The following STK31 variants were observed in gnomAD, a reference collection of about 807,000 sequenced individuals.
The protein encoded by STK31 is serine/threonine-protein kinase 31.
In STK31, 89 loss-of-function variants were observed where a neutral mutation model predicts 129.7. The observed-to-expected ratio is 0.69, with a 90% confidence interval of 0.58 to 0.82. STK31 has a LOEUF of 0.82. Ranked by LOEUF, STK31 falls within the 40% of genes least tolerant of loss-of-function variation. The pLI, the probability that STK31 is intolerant of heterozygous loss-of-function variation, is 0.00. For missense variants in STK31, 1,187 were observed against 1,176.4 expected, an observed-to-expected ratio of 1.01 and a Z score of -0.13; for synonymous variants, 448 against 395.3, an observed-to-expected ratio of 1.13 and a Z score of -1.58.
In STK31 at chr7:23,832,350, C is replaced by T; in HGVS notation, c.3044C>T (p.Ala1015Val). 6.2e-7 allele frequency: 1 copy of T among 1,607,950 alleles called. No homozygotes were observed. The highest frequency in any genetic ancestry group is 8.5e-7 in the Non-Finnish European group (1 of 1,178,600). ...ATGGAGAAGACAAGAAATGGTGAAG[C>T]CAACTTTGATTGTTAAATTATTATT... ...KCMEKTRNGE[A>V]NFDC Residue 1015 changes from alanine (A) to valine (V), a missense_variant, in exon 24 of 24, where the codon GCC (alanine) becomes GTC (valine). Physicochemically the swap from Ala to Val is moderately conservative, Grantham distance 64 (BLOSUM62 0). Around this residue, in one of 5 missense-constraint regions of STK31, gnomAD observed 975 missense variants for 934.9 expected, o/e 1.04. Coordinates refer to ENST00000355870, the MANE Select transcript of STK31 (RefSeq NM_031414.5).
intron 3 of STK31, among the ~76,000 whole-genome samples, chr7:23,713,097 A>G (rs1389129113): frequency 2.6e-5 from 4 of 152,176 alleles, no homozygotes; most frequent in African/African-American, 7.2e-5. Context: ...AGAGAAATGC[A>G]TCATTAGGCA....
intron 16 of STK31, among the ~76,000 whole-genome samples, chr7:23,782,988 TA>T (rs890070765): frequency 3.3e-4 from 49 of 146,660 alleles, no homozygotes; most frequent in African/African-American, 7.2e-4. Flanking sequence ...TTAGATGGGT[TA>T]AAAAAAAAAA....
intron 22 of STK31, among the ~76,000 whole-genome samples, chr7:23,809,549 A>G (rs951334190): frequency 6.6e-6 from 1 of 152,106 alleles, no homozygotes; most frequent in African/African-American, 2.4e-5. Flanking sequence ...GCAAAGTCCC[A>G]CTGTGAGTAT....
At chr7:23,779,742 T>C (rs1303556775) in intron 15 of STK31, among the ~76,000 whole-genome samples, 1 of 152,202 alleles carries the variant, frequency 6.6e-6, no homozygotes, top group Non-Finnish European at 1.5e-5. Context: ...GCAGTGAGAA[T>C]TTCAAGCTAG....
intron 22 of STK31, among the ~76,000 whole-genome samples, chr7:23,794,328 G>A (rs1791821516): frequency 6.6e-6 from 1 of 152,218 alleles, no homozygotes; most frequent in Non-Finnish European, 1.5e-5. Context: ...CTGCCCCCAT[G>A]TGAAGAAGAA....
chr7:23,737,268 G>C (rs2128081468), intron 8 of STK31, among the ~76,000 whole-genome samples, 190 bp downstream of exon 8: 1 of 152,104 alleles, frequency 6.6e-6, no homozygotes, highest in Non-Finnish European at 1.5e-5. Flanking sequence ...TTCATTGGAT[G>C]TTTGCAAATT....
chr7:23,734,690 C>T (rs867080810), intron 6 of STK31, among the ~76,000 whole-genome samples: 48 of 152,096 alleles, frequency 3.2e-4, no homozygotes, highest in African/African-American at 6.8e-4. Context: ...GAAGGCCAGG[C>T]GAGGTGGCTC....
chr7:23,727,533 G>A, intron 5 of STK31: 2 of 335,120 alleles, frequency 6.0e-6, no homozygotes, highest in Non-Finnish European at 1.1e-5. Context: ...TATTTTTGGT[G>A]ACTAGTTATT....
At chr7:23,806,057 T>A (rs887460661) in intron 22 of STK31, among the ~76,000 whole-genome samples, 2 of 152,194 alleles carry the variant, frequency 1.3e-5, no homozygotes, top group African/African-American at 4.8e-5. Context: ...TGCCTTCACA[T>A]CACATATTAT....
At chr7:23,714,453 ATTTTAAAACAT>A (rs1227146510) in intron 3 of STK31, among the ~76,000 whole-genome samples, 6 of 152,246 alleles carry the variant, frequency 3.9e-5, no homozygotes, top group Non-Finnish European at 8.8e-5. Context: ...CATGTAAGTA[ATTTTAAAACAT>A]TTTTGGCAGC....
chr7:23,730,962 G>A lies in STK31; in HGVS notation c.483+1713G>A, dbSNP rs189595899. On this transcript the variant is annotated intron_variant, in intron 6 of 23. Transcript: ENST00000355870. ...TGCAATGGCATGATCTCGGCTCACTGCAACCTCCGCCTCTTGGGTTCAAGC... is the reference window on the plus strand; with the variant it reads ...TGCAATGGCATGATCTCGGCTCACTACAACCTCCGCCTCTTGGGTTCAAGC... Among the ~76,000 whole-genome samples the A allele has an allele frequency of 2.3e-3, 331 of 141,882 alleles. 1 individual carries two copies. Among genetic ancestry groups the A allele is most frequent in the African/African-American group, 8.2e-3 (315 of 38,348 alleles). 93.1% of individuals were successfully genotyped at this position (141,882 alleles called of 152,430 possible).
In STK31 at chr7:23,721,435, C is replaced by G; in HGVS notation, c.249+3856C>G. ...TTGCTTCACTGTGATCTTTTTCTTC[C>G]TCTTCTTTGTTATCTTCCATTTTTT... On this transcript the variant is annotated intron_variant, in intron 4 of 23. Coordinates refer to ENST00000355870, the MANE Select transcript of STK31 (RefSeq NM_031414.5). 5.6e-6 allele frequency: 6 copies of G among 1,078,342 alleles called. No homozygotes were observed. In the South Asian group the frequency reaches 8.1e-5, roughly 14 times the overall value. The allele number at this position is 1,078,342 out of a possible 1,614,324, so 66.8% of individuals were successfully genotyped here. A position where few individuals can be genotyped will look rare whatever the true frequency, so the allele number is the denominator to read the frequency against.
intron 10 of STK31, among the ~76,000 whole-genome samples, chr7:23,758,601 G>C (rs986388856): frequency 6.6e-6 from 1 of 152,010 alleles, no homozygotes; most frequent in African/African-American, 2.4e-5. Context: ...TCTGATGTGG[G>C]TATTTAGTGC....
At chr7:23,728,364 AG>A (rs1212399690) in intron 5 of STK31, among the ~76,000 whole-genome samples, 2 of 152,168 alleles carry the variant, frequency 1.3e-5, no homozygotes, top group Admixed American at 1.3e-4. Context: ...TAAGATGCTA[AG>A]ATGTGACAAT....
rs115881477 is a variant in STK31, at chr7:23,752,942, A to G, written c.1133+110A>G. 9 of 696,382 alleles carry G rather than the reference A, an allele frequency of 1.3e-5. No individual in the cohort carries two copies. In the African/African-American group the frequency reaches 1.6e-4, roughly 13 times the overall value. The allele number at this position is 696,382 out of a possible 1,614,324, so 43.1% of individuals were successfully genotyped here. ...TTTTGCTTTAAAATTTAACCTTTGT[A>G]TTTTTATGACTTCAAAGAGAGAAAG... On this transcript the variant is annotated intron_variant, in intron 9 of 23. Coordinates refer to ENST00000355870, the MANE Select transcript of STK31 (RefSeq NM_031414.5).
Position 23,771,091 on chromosome 7 carries a change from C to T in STK31, c.1800C>T (p.Ala600=), listed in dbSNP as rs770836549. The T allele has an allele frequency of 6.2e-6, 10 of 1,612,596 alleles. No individual in the cohort carries two copies. The highest frequency in any genetic ancestry group is 3.4e-6 in the Non-Finnish European group (4 of 1,179,322). The change falls in exon 14 of 24, where the codon GCC becomes GCT. Residue 600 remains alanine (A), a synonymous_variant. Coordinates refer to ENST00000355870, the MANE Select transcript of STK31 (RefSeq NM_031414.5). ...QKIHSEERLI[A]TVQAKYKDSI... is the part of the protein sequence containing the mutation. ...TTCATTCAGAGGAAAGGCTCATTGC[C>T]ACAGTACAAGCTAAGTACAAGGACA...
At chr7:23,787,770 A>G (rs1791376974) in intron 20 of STK31, among the ~76,000 whole-genome samples, 1 of 151,216 alleles carries the variant, frequency 6.6e-6, no homozygotes, top group Non-Finnish European at 1.5e-5. Context: ...ACACACACAC[A>G]CACACACACA....
At chr7:23,814,589 CG>C (rs1793353910) in intron 22 of STK31, among the ~76,000 whole-genome samples, 1 of 151,858 alleles carries the variant, frequency 6.6e-6, no homozygotes, top group African/African-American at 2.4e-5. Flanking sequence ...AATATATATG[CG>C]TTTGTTCATA....
chr7:23,831,946 A>C (rs562990218), intron 23 of STK31, among the ~76,000 whole-genome samples, 190 bp from the exon 24 acceptor site: 3 of 151,776 alleles, frequency 2.0e-5, no homozygotes, highest in African/African-American at 7.3e-5. Flanking sequence ...CAGATGATCT[A>C]TTTGCAGTGT....
Sources: gnomAD v4.1 joint callset for allele counts (sites outside exome capture counted in the v4.1 genomes callset) on GRCh38, gnomAD v4.1.1 for gene constraint, gnomAD v4.1.1 regional missense constraint, MANE v1.5 for transcripts, NCBI Gene and HGNC (gene_info 2026-07-23, HGNC 2026-07-21) for gene names.